The following TLN2 variants were observed in gnomAD, a reference collection of about 807,000 sequenced individuals.
The protein encoded by TLN2 is talin 2, also known as talin-2.
Under a neutral mutation model 294.7 loss-of-function variants are expected in TLN2, and 118 were observed. That is an observed-to-expected ratio of 0.40 (90% CI 0.34 to 0.47). The LOEUF (loss-of-function observed/expected upper bound fraction) is 0.47, where lower values mean the gene tolerates loss of function less well. Among genes scored for constraint, TLN2 ranks in the 20% least tolerant of loss-of-function variants. The probability of loss-of-function intolerance (pLI) is 0.84; values close to 1 mark genes in which losing one functional copy is unlikely to be tolerated. For missense variants in TLN2, 3,083 were observed against 3,282.2 expected, an observed-to-expected ratio of 0.94 and a Z score of 1.48; for synonymous variants, 1,431 against 1,304.5, an observed-to-expected ratio of 1.10 and a Z score of -2.09.
chr15:62,473,733 A>G (rs2037621731), intron 1 of TLN2, among the ~76,000 whole-genome samples: 1 of 152,172 alleles, frequency 6.6e-6, no homozygotes, highest in Non-Finnish European at 1.5e-5. Flanking sequence ...CGGTTTCCTC[A>G]CTGGATCCTG....
chr15:62,434,742 G>A (rs1008670303), intron 1 of TLN2, among the ~76,000 whole-genome samples: 1 of 152,202 alleles, frequency 6.6e-6, no homozygotes, highest in African/African-American at 2.4e-5. Context: ...CACTTATGAT[G>A]TGTGATGTGA....
chr15:62,404,231 GAA>G (rs1024672371), intron 1 of TLN2, among the ~76,000 whole-genome samples: 6 of 152,210 alleles, frequency 3.9e-5, no homozygotes, highest in Admixed American at 2.0e-4. Flanking sequence ...TTGAGTGGTA[GAA>G]GGCACCTGCA....
intron 2 of TLN2, among the ~76,000 whole-genome samples, chr15:62,613,943 G>T (rs2048113095): frequency 6.6e-6 from 1 of 151,982 alleles, no homozygotes; most frequent in Non-Finnish European, 1.5e-5. Context: ...GGAAACAGAT[G>T]AGTGATTGAC....
rs751676535 is a variant in TLN2, at chr15:62,702,796, A to G, written c.1936A>G (p.Ser646Gly). ...ACAGACAGTTTTGACTGCTGCTGGC[A>G]GCATCGGACAAGCCAGTGGGGATCT... ...PRQTVLTAAG[S>G]IGQASGDLLR... is the part of the protein sequence containing the mutation. Residue 646 changes from serine (S) to glycine (G), a missense_variant, in exon 19 of 59, where the codon AGC (serine) becomes GGC (glycine). By Grantham distance (56) the Ser-to-Gly change is moderately conservative. Transcript: ENST00000636159. 1 of 1,614,234 alleles carries G rather than the reference A, an allele frequency of 6.2e-7. No individual in the cohort carries two copies. Among genetic ancestry groups the G allele is most frequent in the Non-Finnish European group, 8.5e-7 (1 of 1,180,038 alleles).
At chr15:62,488,134 C>T (rs547671180) in intron 1 of TLN2, among the ~76,000 whole-genome samples, 1 of 151,982 alleles carries the variant, frequency 6.6e-6, no homozygotes, top group Non-Finnish European at 1.5e-5. Context: ...CACATGTAAT[C>T]CACTTTAGGA....
chr15:62,673,323 T>TTTTTTTTC, intron 9 of TLN2, among the ~76,000 whole-genome samples: 1 of 135,404 alleles, frequency 7.4e-6, no homozygotes, highest in East Asian at 2.0e-4. Flanking sequence ...TTTTTTTTTT[T>TTTTTTTTC]TTTTTGCAAT....
chr15:62,691,452 A>C (rs553393710), intron 12 of TLN2, among the ~76,000 whole-genome samples: 10 of 151,588 alleles, frequency 6.6e-5, no homozygotes, highest in Non-Finnish European at 1.5e-4. Flanking sequence ...CTTTTTTATG[A>C]CTTCTGTTTC....
intron 30 of TLN2, among the ~76,000 whole-genome samples, chr15:62,738,993 C>T (rs897103084): frequency 2.6e-5 from 4 of 152,148 alleles, no homozygotes; most frequent in Non-Finnish European, 2.9e-5. Flanking sequence ...TAGCTTTCAT[C>T]TTAACAGAGA....
At chr15:62,742,445 A>G (rs1165021957) in intron 32 of TLN2, among the ~76,000 whole-genome samples, 1 of 152,162 alleles carries the variant, frequency 6.6e-6, no homozygotes, top group Non-Finnish European at 1.5e-5. Context: ...TCAAAATTAC[A>G]GTTTCCAGCT....
At chr15:62,713,634 G>A (rs1048534467) in intron 22 of TLN2, among the ~76,000 whole-genome samples, 29 of 152,010 alleles carry the variant, frequency 1.9e-4, no homozygotes, top group African/African-American at 6.3e-4. Context: ...AGCTGAGATC[G>A]TGCCATTGCA....
chr15:62,594,930 T>C (rs2046360096), intron 2 of TLN2, among the ~76,000 whole-genome samples: 1 of 152,114 alleles, frequency 6.6e-6, no homozygotes, highest in African/African-American at 2.4e-5. Flanking sequence ...GCAAAATATA[T>C]GAAGAACTCA....
At chr15:62,776,959 G>C (rs2063760176) in intron 43 of TLN2, 49 bp downstream of exon 43, 1 of 1,379,746 alleles carries the variant, frequency 7.2e-7, no homozygotes, top group African/African-American at 1.5e-5. Context: ...CCTCACCCAT[G>C]GGCCTCGCGT....
intron 1 of TLN2, among the ~76,000 whole-genome samples, chr15:62,421,555 T>C (rs1446691190): frequency 6.6e-6 from 1 of 152,172 alleles, no homozygotes; most frequent in Non-Finnish European, 1.5e-5. Context: ...GCCATTATCC[T>C]TAGCAAACTA....
chr15:62,602,493 C>A (rs1017860284), intron 2 of TLN2, among the ~76,000 whole-genome samples: 1 of 152,154 alleles, frequency 6.6e-6, no homozygotes, highest in Non-Finnish European at 1.5e-5. Flanking sequence ...AGAGTCTCAT[C>A]TATGAAATCT....
At chr15:62,532,439 C>A (rs1025623416) in intron 1 of TLN2, among the ~76,000 whole-genome samples, 1 of 152,134 alleles carries the variant, frequency 6.6e-6, no homozygotes, top group Non-Finnish European at 1.5e-5. Context: ...CATGAACTTT[C>A]ATCAGGCCAG....
chr15:62,568,492 A>T (rs531644544), intron 1 of TLN2, among the ~76,000 whole-genome samples: 1 of 152,244 alleles, frequency 6.6e-6, no homozygotes, highest in African/African-American at 2.4e-5. Flanking sequence ...TCAAACTCAG[A>T]AGACTCACAA....
rs2060151194 is a variant in TLN2 at position 62,721,577 on chromosome 15, T to C, written c.2992-776T>C. Among the ~76,000 whole-genome samples, 5 of 152,202 alleles carry C rather than the reference T, an allele frequency of 3.3e-5. No individual in the cohort carries two copies. The South Asian group carries it at 1.0e-3, about 32-fold the overall frequency. ...TATGATCTGGCACTTGTTGGAACTT[T>C]TCTAAGTGTAGTTTTATAACATATA... On this transcript the variant is annotated intron_variant, in intron 25 of 58. Transcript: ENST00000636159.
At chr15:62,547,875 C>A (rs1408904287) in intron 1 of TLN2, among the ~76,000 whole-genome samples, 1 of 148,678 alleles carries the variant, frequency 6.7e-6, no homozygotes, top group Non-Finnish European at 1.5e-5. Flanking sequence ...TCTGAAATTG[C>A]TGTCTATCCT....
intron 3 of TLN2, among the ~76,000 whole-genome samples, chr15:62,630,015 T>C (rs1464792465): frequency 6.6e-6 from 1 of 152,192 alleles, no homozygotes; most frequent in African/African-American, 2.4e-5. Context: ...AATTATCTTT[T>C]TTTGTTTCTT....
Sources: allele counts gnomAD v4.1 joint callset (sites outside exome capture counted in the v4.1 genomes callset), GRCh38; gene constraint gnomAD v4.1.1; transcripts MANE v1.5; gene names NCBI Gene and HGNC (gene_info 2026-07-23, HGNC 2026-07-21).